MPP7: variants seen among roughly 807,000 people sequenced by gnomAD.
MPP7 encodes the protein MAGUK p55 scaffold protein 7.
Under a neutral mutation model 76.5 loss-of-function variants are expected in MPP7, and 60 were observed. The ratio of observed to expected loss-of-function variants is 0.78; its 90% CI spans 0.64 to 0.97. The LOEUF is 0.97. Among genes scored for constraint, MPP7 ranks in the 50% least tolerant of loss-of-function variants. The pLI, the probability that MPP7 is intolerant of heterozygous loss-of-function variation, is 0.00. For missense variants in MPP7, 641 were observed against 694.0 expected (o/e 0.92, Z 0.86); for synonymous variants, 237 against 244.5 (o/e 0.97, Z 0.29).
intron 3 of MPP7, among the ~76,000 whole-genome samples, chr10:28,196,397 T>C (rs538758232): frequency 2.1e-3 from 314 of 151,474 alleles, no homozygotes; most frequent in African/African-American, 7.3e-3. Flanking sequence ...GGAGACTCCC[T>C]TGAACCCAGG....
At chr10:28,299,650 G>A (rs1345303240) in intron 1 of MPP7, among the ~76,000 whole-genome samples, 1 of 151,902 alleles carries the variant, frequency 6.6e-6, no homozygotes, top group Non-Finnish European at 1.5e-5. Context: ...CCTTCAGTTT[G>A]TAAAAAACAC....
At chr10:28,123,917 G>A (rs1238825368) in intron 8 of MPP7, 114 bp downstream of exon 8, 6 of 696,286 alleles carry the variant, frequency 8.6e-6, no homozygotes, top group Admixed American at 6.9e-5. Flanking sequence ...TTAAGTGTTC[G>A]AACCCTGCAC....
At chr10:28,171,834 G>A (rs1836691726) in intron 3 of MPP7, among the ~76,000 whole-genome samples, 1 of 152,126 alleles carries the variant, frequency 6.6e-6, no homozygotes, top group South Asian at 2.1e-4. Flanking sequence ...CTGTAGTTTT[G>A]TTATGTCTTT....
intron 1 of MPP7, among the ~76,000 whole-genome samples, chr10:28,249,679 G>A (rs548173398): frequency 1.1e-4 from 16 of 152,204 alleles, no homozygotes; most frequent in African/African-American, 3.9e-4. Context: ...TCAGCTTGCC[G>A]GCTGCCCACT....
chr10:28,119,815 G>T, intron 10 of MPP7, 100 bp from the exon 11 acceptor site: 1 of 972,220 alleles, frequency 1.0e-6, no homozygotes, highest in Non-Finnish European at 1.5e-6. Context: ...TTAAAGGTTA[G>T]AGAAAAAAAT....
At chr10:28,093,295 T>C (rs974807912) in intron 11 of MPP7, among the ~76,000 whole-genome samples, 31 of 152,102 alleles carry the variant, frequency 2.0e-4, no homozygotes, top group African/African-American at 7.2e-4. Context: ...GGAATGGATA[T>C]AACAAGAACA....
chr10:28,157,916 TA>T (rs1836121844), intron 3 of MPP7, among the ~76,000 whole-genome samples: 1 of 152,238 alleles, frequency 6.6e-6, no homozygotes, highest in South Asian at 2.1e-4. Flanking sequence ...ACTTTGTATT[TA>T]TAGATTTATC....
At chr10:28,151,691 A>C (rs528558281) in intron 3 of MPP7, among the ~76,000 whole-genome samples, 49 of 152,344 alleles carry the variant, frequency 3.2e-4, no homozygotes, top group African/African-American at 1.1e-3. Flanking sequence ...AGAGGTAGAC[A>C]GCGGGACCAT....
intron 1 of MPP7, among the ~76,000 whole-genome samples, chr10:28,262,213 A>ATATATATATTTTTTTTTTTTTCT (rs1564741292): frequency 1.5e-5 from 1 of 66,528 alleles, no homozygotes; most frequent in African/African-American, 7.3e-5. Flanking sequence ...ATATACATAT[A>ATATATATATTTTTTTTTTTTTCT]TATATATATA....
chr10:28,277,542 G>T (rs965164170), intron 1 of MPP7, among the ~76,000 whole-genome samples: 5 of 151,962 alleles, frequency 3.3e-5, no homozygotes, highest in African/African-American at 1.2e-4. Flanking sequence ...CATATTTAAG[G>T]TCATACAGTT....
chr10:28,167,310 C>CAAAAAAAAA (rs747188721), intron 3 of MPP7, among the ~76,000 whole-genome samples: 6 of 67,804 alleles, frequency 8.8e-5, no homozygotes, highest in Admixed American at 3.0e-4. Context: ...GGCTCTGCCT[C>CAAAAAAAAA]AAAAAAACAA....
chr10:28,150,741 T>A (rs1050260738), intron 3 of MPP7, among the ~76,000 whole-genome samples: 61 of 152,154 alleles, frequency 4.0e-4, no homozygotes, highest in African/African-American at 1.4e-3. Context: ...TATTGTAAAA[T>A]AATTATAATA....
At chr10:28,115,253 C>T (rs958027125) in intron 11 of MPP7, among the ~76,000 whole-genome samples, 5 of 152,080 alleles carry the variant, frequency 3.3e-5, no homozygotes, top group African/African-American at 1.2e-4. Context: ...CAGGCATGTG[C>T]CACCACGCCT....
At chr10:28,276,251 G>C (rs530839451) in intron 1 of MPP7, among the ~76,000 whole-genome samples, 9 of 151,396 alleles carry the variant, frequency 5.9e-5, no homozygotes, top group Admixed American at 5.3e-4. Flanking sequence ...GACTGGTCTC[G>C]AACTCCTGAC....
intron 12 of MPP7, among the ~76,000 whole-genome samples, chr10:28,085,811 T>A (rs533762207): frequency 6.6e-6 from 1 of 152,090 alleles, no homozygotes; most frequent in South Asian, 2.1e-4. Flanking sequence ...AGGATTGATA[T>A]CACAGGGCTA....
chr10:28,133,934 T>C (rs538679121), intron 5 of MPP7, among the ~76,000 whole-genome samples: 228 of 152,296 alleles, frequency 1.5e-3, no homozygotes, highest in South Asian at 1.2e-3. Flanking sequence ...TATAAATATG[T>C]TGCAATTTCT....
intron 11 of MPP7, among the ~76,000 whole-genome samples, chr10:28,107,254 C>CT (rs1834356119): frequency 6.6e-6 from 1 of 152,162 alleles, no homozygotes; most frequent in Non-Finnish European, 1.5e-5. Flanking sequence ...GTGCCCAGCT[C>CT]TAATGGCCTC....
intron 3 of MPP7, among the ~76,000 whole-genome samples, chr10:28,199,313 TA>T (rs1564696213): frequency 1.3e-5 from 2 of 152,202 alleles, no homozygotes; most frequent in East Asian, 3.9e-4. Context: ...ATTCTCTCAG[TA>T]TCATCTTCCC....
Position 28,143,391 on chromosome 10 carries a change from T to C in MPP7, c.315+4092A>G, listed in dbSNP as rs75387842. On this transcript the variant is annotated intron_variant, in intron 5 of 16. Coordinates refer to ENST00000683449, the MANE Select transcript of MPP7 (RefSeq NM_001318170.2). ...TATTATCAAAAAAGAATATTTCTGT[T>C]TCCTTTTAAGTCTTTATCAAGTCAC... is the stretch of plus-strand genomic sequence containing the variant. 1.9e-3 allele frequency among the ~76,000 whole-genome samples: 291 copies of C among 152,318 alleles called. 2 individuals are homozygous for C. Among genetic ancestry groups the C allele is most frequent in the African/African-American group, 6.6e-3 (276 of 41,580 alleles).
Sources: gnomAD v4.1 joint callset for allele counts (sites outside exome capture counted in the v4.1 genomes callset) on GRCh38, gnomAD v4.1.1 for gene constraint, MANE v1.5 for transcripts, NCBI Gene and HGNC (gene_info 2026-07-23, HGNC 2026-07-21) for gene names.